Variants in SPNS3 observed in about 807,000 individuals in gnomAD.
SPNS3 encodes the protein SPNS lysolipid transporter 3, sphingosine-1-phosphate (putative).
Under a neutral mutation model 54.4 loss-of-function variants are expected in SPNS3, and 51 were observed. The observed-to-expected ratio is 0.94, with a 90% CI of 0.75 to 1.18. The LOEUF (loss-of-function observed/expected upper bound fraction) is 1.18, where lower values mean the gene tolerates loss of function less well. Ranked by LOEUF, SPNS3 falls within the 50% of genes most tolerant of loss-of-function variation. The pLI is 0.00. For missense variants in SPNS3, 669 were observed against 677.4 expected (o/e 0.99, Z 0.14); for synonymous variants, 309 against 294.7 (o/e 1.05, Z -0.50).
chr17:4,452,909 GATCAT>G, intron 7 of SPNS3, 102 bp from the exon 8 acceptor site: 1 of 1,087,584 alleles, frequency 9.2e-7, no homozygotes, highest in Admixed American at 2.3e-5. Flanking sequence ...GTAGACACCA[GATCAT>G]GCACTTGAGC....
chr17:4,450,165 T>C (rs1018957592), intron 7 of SPNS3, among the ~76,000 whole-genome samples: 1 of 151,840 alleles, frequency 6.6e-6, no homozygotes, highest in Non-Finnish European at 1.5e-5. Flanking sequence ...GCTATCTTCT[T>C]CCCTGGAGCT....
chr17:4,443,296 C>T (rs1372932431), intron 2 of SPNS3, among the ~76,000 whole-genome samples: 3 of 152,186 alleles, frequency 2.0e-5, no homozygotes, highest in Non-Finnish European at 4.4e-5. Flanking sequence ...GTCTCGAACT[C>T]CTGACCTCGG....
chr17:4,450,604 AT>A (rs11415055), intron 7 of SPNS3, among the ~76,000 whole-genome samples: 139 of 147,006 alleles, frequency 9.5e-4, no homozygotes, highest in South Asian at 8.2e-3. Flanking sequence ...TATTTTATTT[AT>A]TTTTTTTTGA....
intron 9 of SPNS3, chr17:4,482,668 G>A (rs914825764): frequency 1.3e-5 from 2 of 152,274 alleles, no homozygotes; most frequent in Non-Finnish European, 2.9e-5. Context: ...CTGGGCCATA[G>A]AGGGGCCCTG....
At chr17:4,460,264 C>CTGGCTTT (rs1971460697) in intron 8 of SPNS3, among the ~76,000 whole-genome samples, 2 of 152,100 alleles carry the variant, frequency 1.3e-5, no homozygotes, top group Admixed American at 1.3e-4. Context: ...AGTGAGACAT[C>CTGGCTTT]TGGCTTTTGT....
At chr17:4,458,588 C>CCTTTCTTTCTTTCTTT (rs1188233610) in intron 8 of SPNS3, among the ~76,000 whole-genome samples, 38 of 59,132 alleles carry the variant, frequency 6.4e-4, no homozygotes, top group Non-Finnish European at 9.4e-4. Flanking sequence ...TTCCTTCCCT[C>CCTTTCTTTCTTTCTTT]CTTTCTTTCT....
chr17:4,436,355 G>C (rs895563408), intron 1 of SPNS3, among the ~76,000 whole-genome samples: 1 of 152,182 alleles, frequency 6.6e-6, no homozygotes, highest in Non-Finnish European at 1.5e-5. Flanking sequence ...GGAGCTCAGA[G>C]GTCAGGAGCT....
intron 8 of SPNS3, among the ~76,000 whole-genome samples, chr17:4,475,808 T>C (rs1421003301): frequency 1.3e-5 from 2 of 152,132 alleles, no homozygotes; most frequent in African/African-American, 4.8e-5. Flanking sequence ...AGGGCCCTTT[T>C]TGTGTGTTTT....
chr17:4,481,324 A>G (rs1415557905), intron 9 of SPNS3, among the ~76,000 whole-genome samples: 1 of 151,932 alleles, frequency 6.6e-6, no homozygotes, highest in Non-Finnish European at 1.5e-5. Flanking sequence ...GTGTGGGGAC[A>G]GGGTCTGTGG....
At chr17:4,458,506 TC>T (rs141884558) in intron 8 of SPNS3, among the ~76,000 whole-genome samples, 5,052 of 65,648 alleles carry the variant, frequency 0.077, 512 homozygotes, top group African/African-American at 0.14. Flanking sequence ...CTTTCTTTCT[TC>T]CCTTCCTCCC....
Position 4,449,406 on chromosome 17 carries a change from C to A in SPNS3, c.923+19C>A, listed in dbSNP as rs1158612919. ...CCGACAGGTGAGGGCATCCGGGGGC[C>A]CTGGGCACCTGGCCCGGCTCGGGGG... On this transcript the variant is annotated intron_variant, in intron 7 of 11. Coordinates refer to ENST00000355530, the MANE Select transcript of SPNS3 (RefSeq NM_182538.5). 6.4e-7 allele frequency: 1 copy of A among 1,559,494 alleles called. No individual in the cohort carries two copies. Among genetic ancestry groups the A allele is most frequent in the East Asian group, 2.3e-5 (1 of 43,792 alleles).
In SPNS3 at chr17:4,486,676, G is replaced by C; in HGVS notation, c.1450+93G>C. The C allele has an allele frequency of 2.2e-6, 3 of 1,350,532 alleles. No individual in the cohort carries two copies. In the Admixed American group the frequency reaches 7.2e-5, roughly 32 times the overall value. 83.7% of individuals were successfully genotyped at this position (1,350,532 alleles called of 1,614,324 possible). A position where few individuals can be genotyped will look rare whatever the true frequency, so the allele number is the denominator to read the frequency against. On this transcript the variant is annotated intron_variant, in intron 11 of 11. Transcript: ENST00000355530. This position sits in a 1 kb window ranked among gnomAD's most constrained non-coding sequence, Gnocchi z 5.5. ...CCCTGAATCCCTGGCCAGTTTGTTT[G>C]TTCATTCATCCAGAAATGCTTAGTA...
intron 1 of SPNS3, 71 bp downstream of exon 1, chr17:4,434,237 G>C: frequency 1.4e-6 from 2 of 1,432,388 alleles, no homozygotes; most frequent in Non-Finnish European, 1.9e-6. Flanking sequence ...CAGATCCATG[G>C]TGGCCTTCCA....
At chr17:4,439,405 C>T (rs1254768252) in intron 1 of SPNS3, among the ~76,000 whole-genome samples, 2 of 152,182 alleles carry the variant, frequency 1.3e-5, no homozygotes, top group Admixed American at 6.5e-5. Context: ...AGATTACAGG[C>T]GTGAGCCACC....
At chr17:4,482,042 C>G (rs958688783) in intron 9 of SPNS3, 4 of 152,280 alleles carry the variant, frequency 2.6e-5, no homozygotes, top group African/African-American at 7.2e-5. Flanking sequence ...GCATGCGCCA[C>G]CACGCCCAGC....
intron 8 of SPNS3, among the ~76,000 whole-genome samples, chr17:4,464,527 T>A (rs1233501998): frequency 6.6e-6 from 1 of 152,124 alleles, no homozygotes; most frequent in Non-Finnish European, 1.5e-5. Flanking sequence ...CTGGCCATCA[T>A]TCCTTCTTTC....
intron 9 of SPNS3, among the ~76,000 whole-genome samples, chr17:4,481,749 G>A (rs892565346): frequency 3.9e-5 from 6 of 152,160 alleles, no homozygotes; most frequent in Non-Finnish European, 7.4e-5. Context: ...TAGGTAGAGC[G>A]GTGGCAACCA....
At chr17:4,439,802 GCCCAGCTCCAGC>G in intron 2 of SPNS3, 79 bp downstream of exon 2, 1 of 1,359,858 alleles carries the variant, frequency 7.4e-7, no homozygotes, top group Admixed American at 2.0e-5. Flanking sequence ...CATGTTCTGT[GCCCAGCTCCAGC>G]CCCACTGGGT....
At chr17:4,435,197 C>T (rs7215350) in intron 1 of SPNS3, among the ~76,000 whole-genome samples, 33,037 of 151,848 alleles carry the variant, frequency 0.22, 4,182 homozygotes, top group African/African-American at 0.33. Context: ...CCAAGGTGGG[C>T]GGATCACTTG....
Sources: allele counts gnomAD v4.1 joint callset (sites outside exome capture counted in the v4.1 genomes callset), GRCh38; gene constraint gnomAD v4.1.1; non-coding constraint Gnocchi (gnomAD v3.1); transcripts MANE v1.5; gene names NCBI Gene and HGNC (gene_info 2026-07-23, HGNC 2026-07-21).